Variants in ABRACL observed in about 807,000 individuals in gnomAD.
The protein encoded by ABRACL is costars family protein ABRACL.
Under a neutral mutation model 7.0 loss-of-function variants are expected in ABRACL, and 4 were observed. The ratio of observed to expected loss-of-function variants is 0.57; its 90% CI spans 0.28 to 1.30. The LOEUF is 1.30. ABRACL is among the 50% of genes most tolerant of loss of function. The probability of loss-of-function intolerance (pLI) is 0.10; values close to 1 mark genes in which losing one functional copy is unlikely to be tolerated. For missense variants in ABRACL, 104 were observed against 97.3 expected, an observed-to-expected ratio of 1.07 and a Z score of -0.29; for synonymous variants, 30 against 36.0, an observed-to-expected ratio of 0.83 and a Z score of 0.60.
chr6:139,030,899 ATG>A (rs1786073024), intron 1 of ABRACL, among the ~76,000 whole-genome samples: 1 of 152,204 alleles, frequency 6.6e-6, no homozygotes, highest in Non-Finnish European at 1.5e-5. Context: ...AAGGAGCCTG[ATG>A]TGTAATTAAT....
chr6:139,042,623 CAT>C, intron 2 of ABRACL, 94 bp from the exon 3 acceptor site: 1 of 1,200,546 alleles, frequency 8.3e-7, no homozygotes, highest in Non-Finnish European at 1.2e-6. Context: ...TTGGATAGCC[CAT>C]AGTTATAAAT....
At chr6:139,038,702 C>A (rs1786201025) in intron 2 of ABRACL, among the ~76,000 whole-genome samples, 2 of 152,054 alleles carry the variant, frequency 1.3e-5, no homozygotes, top group Admixed American at 1.3e-4. Flanking sequence ...ATTCCATCTC[C>A]ATCTTTGAGG....
In ABRACL at chr6:139,042,977, A is replaced by C; in HGVS notation, c.*74A>C. The C allele has an allele frequency of 8.1e-7, 1 of 1,233,354 alleles. No individual in the cohort carries two copies. The highest frequency in any genetic ancestry group is 1.5e-5 in the African/African-American group (1 of 65,726). 76.4% of individuals were successfully genotyped at this position (1,233,354 alleles called of 1,614,324 possible). A position where few individuals can be genotyped will look rare whatever the true frequency, so the allele number is the denominator to read the frequency against. ...TGGAATATAAAGTGAAAGAACAAACATTTGAACATACTTAATGTATTTTTA... is the reference window on the plus strand; with the variant it reads ...TGGAATATAAAGTGAAAGAACAAACCTTTGAACATACTTAATGTATTTTTA... On this transcript the variant is annotated 3_prime_UTR_variant, in exon 3 of 3. Coordinates refer to ENST00000367660, the MANE Select transcript of ABRACL (RefSeq NM_021243.3).
At chr6:139,041,513 G>GTATATA (rs1554211144) in intron 2 of ABRACL, among the ~76,000 whole-genome samples, 101 of 43,112 alleles carry the variant, frequency 2.3e-3, no homozygotes, top group African/African-American at 7.4e-3. Context: ...GTGTGTGTGT[G>GTATATA]TATATATATA....
At chr6:139,034,270 C>T in intron 2 of ABRACL, 49 bp downstream of exon 2, 2 of 1,614,144 alleles carry the variant, frequency 1.2e-6, no homozygotes, top group South Asian at 1.1e-5. Flanking sequence ...TACCTTGGAA[C>T]AGGTGAGACT....
intron 2 of ABRACL, 43 bp downstream of exon 2, chr6:139,034,264 T>G (rs1786123292): frequency 1.2e-6 from 2 of 1,614,164 alleles, no homozygotes; most frequent in Non-Finnish European, 8.5e-7. Context: ...TGGCTTTACC[T>G]TGGAACAGGT....
intron 2 of ABRACL, chr6:139,034,590 A>T: frequency 1.8e-6 from 1 of 556,426 alleles, no homozygotes; most frequent in Non-Finnish European, 2.9e-6. Context: ...TCATTTTACA[A>T]ACTTCTTTTT....
chr6:139,034,658 T>A (rs1456184405), intron 2 of ABRACL: 2 of 332,482 alleles, frequency 6.0e-6, no homozygotes, highest in Non-Finnish European at 1.1e-5. Flanking sequence ...TGACTAGGGA[T>A]TTACATTGAA....
intron 2 of ABRACL, among the ~76,000 whole-genome samples, chr6:139,036,304 T>C (rs1554210849): frequency 2.0e-5 from 3 of 152,124 alleles, no homozygotes; most frequent in Non-Finnish European, 4.4e-5. Flanking sequence ...TAATCTAGGA[T>C]ACCTTCCTGT....
intron 1 of ABRACL, among the ~76,000 whole-genome samples, chr6:139,032,298 G>A (rs1018965472): frequency 2.0e-5 from 3 of 152,184 alleles, no homozygotes; most frequent in Admixed American, 6.5e-5. Context: ...TGGTGTTCAG[G>A]CCTCGTGCCT....
intron 2 of ABRACL, chr6:139,034,557 A>G (rs544776917): frequency 1.2e-6 from 1 of 805,678 alleles, no homozygotes; most frequent in South Asian, 2.8e-5. Flanking sequence ...ATTAAAATTC[A>G]TGTTTTCTGC....
At chr6:139,032,085 C>T (rs893078760) in intron 1 of ABRACL, among the ~76,000 whole-genome samples, 2 of 152,164 alleles carry the variant, frequency 1.3e-5, no homozygotes, top group Admixed American at 6.5e-5. Context: ...CTCAGCCTCC[C>T]GAGTAGCTGG....
intron 2 of ABRACL, among the ~76,000 whole-genome samples, chr6:139,039,520 A>C (rs80029853): frequency 0.034 from 5,252 of 152,312 alleles, 322 homozygotes; most frequent in African/African-American, 0.12. Flanking sequence ...AACTGAGTGG[A>C]TCATGAAGGA....
Position 139,034,222 on chromosome 6 carries a change from G to GT in ABRACL, c.61+2dup, listed in dbSNP as rs777836520. 2 of 1,614,186 alleles carry GT rather than the reference G, an allele frequency of 1.2e-6. No individual in the cohort carries two copies. The highest frequency in any genetic ancestry group is 2.2e-5 in the South Asian group (2 of 91,068). On this transcript the variant is annotated splice_donor_variant, in intron 2 of 2. Transcript: ENST00000367660. LOFTEE classifies it high-confidence loss of function. ...GAAATTCATCGTTTGGGTTCAAAAA[G>GT]TAAGTATCTGACAGAGATAGAGTAT... is the stretch of plus-strand genomic sequence containing the variant.
chr6:139,040,601 A>C (rs1404909448), intron 2 of ABRACL, among the ~76,000 whole-genome samples: 4 of 152,160 alleles, frequency 2.6e-5, no homozygotes, highest in Non-Finnish European at 5.9e-5. Context: ...GACTTGCCTG[A>C]GGTTACCAGC....
intron 2 of ABRACL, among the ~76,000 whole-genome samples, chr6:139,039,021 C>T (rs1786205035): frequency 6.6e-6 from 1 of 152,096 alleles, no homozygotes; most frequent in Admixed American, 6.6e-5. Flanking sequence ...GTCAGGAGTT[C>T]GAGACCAGCT....
At chr6:139,029,984 C>T (rs999589206) in intron 1 of ABRACL, among the ~76,000 whole-genome samples, 9 of 152,024 alleles carry the variant, frequency 5.9e-5, no homozygotes, top group African/African-American at 2.2e-4. Context: ...TCCGACTTTC[C>T]GCTTCCTTTG....
intron 2 of ABRACL, among the ~76,000 whole-genome samples, chr6:139,035,505 G>A (rs1030465951): frequency 6.6e-6 from 1 of 150,476 alleles, no homozygotes; most frequent in Non-Finnish European, 1.5e-5. Flanking sequence ...TTTTTCGAGA[G>A]AGAATCTTAC....
At chr6:139,037,245 A>G (rs926629138) in intron 2 of ABRACL, among the ~76,000 whole-genome samples, 1 of 152,018 alleles carries the variant, frequency 6.6e-6, no homozygotes, top group Non-Finnish European at 1.5e-5. Context: ...CCGAGAAGAC[A>G]TTGGAAAATA....
Sources: gnomAD v4.1 joint callset for allele counts (sites outside exome capture counted in the v4.1 genomes callset) on GRCh38, gnomAD v4.1.1 for gene constraint, MANE v1.5 for transcripts, NCBI Gene and HGNC (gene_info 2026-07-23, HGNC 2026-07-21) for gene names.